The following ERI3 variants were observed in gnomAD, a reference collection of about 807,000 sequenced individuals.
ERI3 encodes the protein ERI1 exoribonuclease family member 3.
A neutral mutation model predicts 44.4 loss-of-function variants in ERI3; 18 were observed. The ratio of observed to expected loss-of-function variants is 0.41; its 90% CI spans 0.28 to 0.60. ERI3 has a LOEUF of 0.60. Ranked by LOEUF, ERI3 falls within the 20% of genes least tolerant of loss-of-function variation. The pLI is 0.36. For missense variants in ERI3, 294 were observed against 435.5 expected (o/e 0.68, Z 2.89); for synonymous variants, 183 against 164.8 (o/e 1.11, Z -0.84).
intron 5 of ERI3, among the ~76,000 whole-genome samples, chr1:44,312,337 C>T (rs879667780): frequency 2.0e-5 from 3 of 152,094 alleles, no homozygotes; most frequent in Non-Finnish European, 2.9e-5. Context: ...ATGAGATCCA[C>T]GGGCTTTTTC....
intron 7 of ERI3, among the ~76,000 whole-genome samples, chr1:44,263,817 G>A (rs909143859): frequency 2.6e-5 from 4 of 152,210 alleles, no homozygotes; most frequent in Admixed American, 1.3e-4. Flanking sequence ...CCCTCTCTGA[G>A]CCCTGAGCCC....
rs574324800 is a variant in ERI3, at chr1:44,261,641, C to T, written c.832-13603G>A. Among the ~76,000 whole-genome samples, 100 of 152,360 alleles carry T rather than the reference C, an allele frequency of 6.6e-4. 1 individual carries two copies. The highest frequency in any genetic ancestry group is 1.4e-3 in the South Asian group (7 of 4,832). ...CTGAGGAGAGCTGGCGGCTGCGCCCCGCTATGCGCTCCGCTCCGTCCCCAA... is the reference window on the plus strand; with the variant it reads ...CTGAGGAGAGCTGGCGGCTGCGCCCTGCTATGCGCTCCGCTCCGTCCCCAA... On this transcript the variant is annotated intron_variant, in intron 7 of 8. Coordinates refer to ENST00000372257, the MANE Select transcript of ERI3 (RefSeq NM_024066.3).
chr1:44,242,155 C>A, intron 8 of ERI3: 1 of 984,772 alleles, frequency 1.0e-6, no homozygotes, highest in Non-Finnish European at 1.2e-6. Context: ...AGGGCCACAC[C>A]AGAAAGAACT....
intron 8 of ERI3, among the ~76,000 whole-genome samples, chr1:44,238,280 G>A (rs1049413551): frequency 3.9e-5 from 6 of 152,038 alleles, no homozygotes; most frequent in Admixed American, 6.5e-5. Context: ...TGTTGTGGGG[G>A]AGACAGGGAG....
At chr1:44,223,973 C>A (rs1643969834) in intron 8 of ERI3, among the ~76,000 whole-genome samples, 1 of 152,236 alleles carries the variant, frequency 6.6e-6, no homozygotes, top group South Asian at 2.1e-4. Context: ...CTAATTTTCT[C>A]TCCAAGCTGC....
chr1:44,272,344 C>T (rs1645103702), intron 7 of ERI3, among the ~76,000 whole-genome samples: 1 of 152,148 alleles, frequency 6.6e-6, no homozygotes, highest in Non-Finnish European at 1.5e-5. Context: ...GACCACACAG[C>T]TAGTGAGTAG....
At chr1:44,255,992 C>T (rs1644771866) in intron 7 of ERI3, among the ~76,000 whole-genome samples, 2 of 152,156 alleles carry the variant, frequency 1.3e-5, no homozygotes, top group South Asian at 4.2e-4. Flanking sequence ...GCTCATCCCT[C>T]CTTTAAATCC....
intron 7 of ERI3, among the ~76,000 whole-genome samples, chr1:44,266,407 G>C (rs561361833): frequency 9.2e-5 from 14 of 152,182 alleles, no homozygotes; most frequent in Non-Finnish European, 2.1e-4. Flanking sequence ...AGGCTAGAGA[G>C]CTTATACTTT....
At chr1:44,336,217 AC>A (rs1488827824) in intron 3 of ERI3, among the ~76,000 whole-genome samples, 3 of 152,254 alleles carry the variant, frequency 2.0e-5, no homozygotes, top group East Asian at 3.9e-4. Context: ...ACCTATGTTG[AC>A]CTCAATGGAA....
chr1:44,327,981 C>T lies in ERI3; in HGVS notation c.490-8237G>A, dbSNP rs80310794. On this transcript the variant is annotated intron_variant, in intron 3 of 8. Coordinates refer to ENST00000372257, the MANE Select transcript of ERI3 (RefSeq NM_024066.3). ...TGAGAATTCTGGTCAGACTACTTGG[C>T]CAGGAGCCAGGGAAGCTGGCTGGGC... Among the ~76,000 whole-genome samples, 1,043 of 152,270 alleles carry T rather than the reference C, an allele frequency of 6.8e-3. 16 individuals carry two copies. The highest frequency in any genetic ancestry group is 0.024 in the African/African-American group (998 of 41,538).
chr1:44,309,912 T>C (rs1167968139), intron 5 of ERI3, among the ~76,000 whole-genome samples: 1 of 152,122 alleles, frequency 6.6e-6, no homozygotes, highest in East Asian at 1.9e-4. Context: ...AAATGCAGGA[T>C]TGGAAGTCAG....
At chr1:44,309,751 G>A (rs1295928211) in intron 5 of ERI3, among the ~76,000 whole-genome samples, 3 of 151,976 alleles carry the variant, frequency 2.0e-5, no homozygotes, top group Non-Finnish European at 4.4e-5. Flanking sequence ...TTTTAGTAGA[G>A]ACGGGGTTTC....
intron 8 of ERI3, among the ~76,000 whole-genome samples, chr1:44,229,485 G>A (rs1025729468): frequency 2.6e-5 from 4 of 152,150 alleles, no homozygotes; most frequent in Admixed American, 6.5e-5. Context: ...GACCCCAGCC[G>A]CTGCCCCAGA....
intron 8 of ERI3, among the ~76,000 whole-genome samples, chr1:44,247,626 C>T (rs1428999027): frequency 6.6e-6 from 1 of 152,184 alleles, no homozygotes; most frequent in Non-Finnish European, 1.5e-5. Context: ...GACATGTCCC[C>T]ACCCACTGAG....
chr1:44,311,317 G>A (rs369810827), intron 5 of ERI3, among the ~76,000 whole-genome samples: 2 of 152,318 alleles, frequency 1.3e-5, no homozygotes, highest in African/African-American at 2.4e-5. Flanking sequence ...CAGCTATTCA[G>A]TGAGCACCTT....
chr1:44,261,930 C>G (rs1557797668), intron 7 of ERI3, among the ~76,000 whole-genome samples: 1 of 152,182 alleles, frequency 6.6e-6, no homozygotes, highest in Admixed American at 6.5e-5. Context: ...AACCTAAAAC[C>G]TCACCCTTTT....
intron 3 of ERI3, among the ~76,000 whole-genome samples, chr1:44,325,042 TA>T (rs1178551859): frequency 2.0e-5 from 3 of 150,940 alleles, no homozygotes; most frequent in Non-Finnish European, 2.9e-5. Flanking sequence ...ATCTACCTTG[TA>T]AAATGGGTTG....
intron 6 of ERI3, among the ~76,000 whole-genome samples, chr1:44,294,679 G>C (rs903605694): frequency 4.9e-4 from 75 of 152,244 alleles, no homozygotes; most frequent in African/African-American, 1.8e-3. Flanking sequence ...CCCCAGTAGG[G>C]AGTGGCTATG....
intron 6 of ERI3, among the ~76,000 whole-genome samples, chr1:44,297,393 C>T (rs942451099): frequency 5.9e-5 from 9 of 152,166 alleles, no homozygotes; most frequent in Middle Eastern, 3.4e-3. Flanking sequence ...CCTGACTCAT[C>T]ATCTTCACTG....
Sources: gnomAD v4.1 joint callset for allele counts (sites outside exome capture counted in the v4.1 genomes callset) on GRCh38, gnomAD v4.1.1 for gene constraint, MANE v1.5 for transcripts, NCBI Gene and HGNC (gene_info 2026-07-23, HGNC 2026-07-21) for gene names.